The following CPED1 variants were observed in gnomAD, a reference collection of about 807,000 sequenced individuals.
CPED1 encodes cadherin like and PC-esterase domain containing 1, also known as cadherin-like and PC-esterase domain-containing protein 1.
Under a neutral mutation model 128.2 loss-of-function variants are expected in CPED1, and 114 were observed. That is an observed-to-expected ratio of 0.89 (90% CI 0.76 to 1.04). CPED1 has a LOEUF of 1.04. Ranked by LOEUF, CPED1 falls within the 50% of genes least tolerant of loss-of-function variation. CPED1 has a pLI of 0.00. For missense variants in CPED1, 1,211 were observed against 1,207.1 expected (o/e 1.00, Z -0.05); for synonymous variants, 462 against 426.7 (o/e 1.08, Z -1.02).
chr7:121,240,239 C>A (rs1279925469), intron 17 of CPED1, among the ~76,000 whole-genome samples: 1 of 152,184 alleles, frequency 6.6e-6, no homozygotes, highest in African/African-American at 2.4e-5. Context: ...CAATTAGCCA[C>A]TTGTTTCTTC....
In CPED1 at chr7:121,247,673, G is replaced by T. The variant is rs544393384; in HGVS notation, c.2310+3335G>T. On this transcript the variant is annotated intron_variant, in intron 18 of 22. Transcript: ENST00000310396. ...GACTTCTGGATTCCTGGCTACAGGG[G>T]ACCCAACATACCCCACGGACATTTG... Among the ~76,000 whole-genome samples the T allele has an allele frequency of 3.1e-4, 47 of 152,208 alleles. No individual in the cohort carries two copies. In the South Asian group the frequency reaches 8.5e-3, roughly 28 times the overall value.
chr7:121,079,437 C>T (rs1794222548), intron 5 of CPED1, among the ~76,000 whole-genome samples: 1 of 152,200 alleles, frequency 6.6e-6, no homozygotes, highest in Non-Finnish European at 1.5e-5. Context: ...TCTTTCCTTC[C>T]CTTCAGCACC....
chr7:121,263,551 C>T (rs1306095219), intron 18 of CPED1, among the ~76,000 whole-genome samples: 1 of 151,982 alleles, frequency 6.6e-6, no homozygotes, highest in African/African-American at 2.4e-5. Flanking sequence ...CATAATTTGT[C>T]TAAAATCATC....
At chr7:121,141,556 A>G (rs1300898790) in intron 15 of CPED1, among the ~76,000 whole-genome samples, 1 of 152,064 alleles carries the variant, frequency 6.6e-6, no homozygotes, top group Non-Finnish European at 1.5e-5. Context: ...AGCCACGTCT[A>G]GTAGAAAGAA....
intron 7 of CPED1, 99 bp downstream of exon 7, chr7:121,100,193 C>A: frequency 2.0e-6 from 2 of 1,015,438 alleles, no homozygotes; most frequent in Non-Finnish European, 2.9e-6. Context: ...TATCAAATCC[C>A]ATTGAACAAG....
intron 3 of CPED1, among the ~76,000 whole-genome samples, chr7:121,024,163 G>A (rs1188170016): frequency 2.0e-5 from 3 of 152,044 alleles, no homozygotes. Context: ...AACAGAATTC[G>A]TTCTTTAATT....
chr7:121,106,888 C>T (rs935950395), intron 7 of CPED1, among the ~76,000 whole-genome samples: 6 of 152,098 alleles, frequency 3.9e-5, no homozygotes, highest in Admixed American at 6.6e-5. Context: ...TACACCTTGC[C>T]GATAACAAGT....
chr7:121,293,677 A>T (rs1186359485), intron 22 of CPED1, among the ~76,000 whole-genome samples: 2 of 152,080 alleles, frequency 1.3e-5, no homozygotes, highest in Non-Finnish European at 2.9e-5. Context: ...GGTTGCGAAG[A>T]CTGGGGTAAA....
intron 5 of CPED1, among the ~76,000 whole-genome samples, chr7:121,077,145 G>C (rs543058638): frequency 3.3e-5 from 5 of 152,220 alleles, no homozygotes; most frequent in African/African-American, 7.2e-5. Context: ...CTCTAGAGTA[G>C]ATTAACAGCA....
Position 121,273,399 on chromosome 7 carries a change from G to A in CPED1, c.2868+1969G>A, listed in dbSNP as rs138486221. 1.7e-3 allele frequency among the ~76,000 whole-genome samples: 260 copies of A among 152,156 alleles called. 1 individual carries two copies. The highest frequency in any genetic ancestry group is 6.1e-3 in the African/African-American group (252 of 41,534). On this transcript the variant is annotated intron_variant, in intron 22 of 22. Transcript: ENST00000310396. Reference sequence around the variant, plus strand: ...TAGCCAGGTGTGGTGGTGTGTGCCTGTAATCCCAGCTACTGGGGAGGTAGA... The same window carrying A: ...TAGCCAGGTGTGGTGGTGTGTGCCTATAATCCCAGCTACTGGGGAGGTAGA...
intron 18 of CPED1, among the ~76,000 whole-genome samples, chr7:121,263,489 C>T (rs752009665): frequency 2.0e-5 from 3 of 151,988 alleles, no homozygotes; most frequent in Non-Finnish European, 4.4e-5. Context: ...CCTACATGGA[C>T]CTCTGTTTCT....
chr7:121,166,188 A>T (rs1372941039), intron 16 of CPED1, among the ~76,000 whole-genome samples: 1 of 152,198 alleles, frequency 6.6e-6, no homozygotes. Context: ...ATTCAATAAG[A>T]TACATGGATT....
At chr7:121,256,885 C>T (rs1791894723) in intron 18 of CPED1, among the ~76,000 whole-genome samples, 1 of 151,958 alleles carries the variant, frequency 6.6e-6, no homozygotes, top group South Asian at 2.1e-4. Context: ...GAATACTACA[C>T]AGTCATAAAA....
intron 16 of CPED1, among the ~76,000 whole-genome samples, chr7:121,142,425 C>T (rs148339858): frequency 3.8e-4 from 58 of 152,016 alleles, no homozygotes; most frequent in African/African-American, 1.4e-3. Flanking sequence ...GTTGTGAAAT[C>T]GGTTTCACAT....
At chr7:121,283,818 G>T (rs2116776646) in intron 22 of CPED1, among the ~76,000 whole-genome samples, 1 of 152,310 alleles carries the variant, frequency 6.6e-6, no homozygotes, top group East Asian at 1.9e-4. Flanking sequence ...ATGCCCTCAT[G>T]GTCCCAAATC....
chr7:121,293,266 G>A (rs1724138917), intron 22 of CPED1, among the ~76,000 whole-genome samples: 1 of 152,176 alleles, frequency 6.6e-6, no homozygotes, highest in South Asian at 2.1e-4. Flanking sequence ...GGTGGGTTCT[G>A]CATCCAGTTC....
intron 16 of CPED1, among the ~76,000 whole-genome samples, chr7:121,209,984 T>TC (rs1797607809): frequency 6.6e-6 from 1 of 151,924 alleles, no homozygotes; most frequent in Admixed American, 6.6e-5. Context: ...ATCCAGTTTT[T>TC]CAAAATGGGC....
At chr7:121,274,531 T>G (rs1326780465) in intron 22 of CPED1, among the ~76,000 whole-genome samples, 1 of 152,180 alleles carries the variant, frequency 6.6e-6, no homozygotes, top group African/African-American at 2.4e-5. Flanking sequence ...TTTTGAAGTT[T>G]TAATGTTTAA....
chr7:121,087,665 CTGTT>C (rs779499641), intron 5 of CPED1, among the ~76,000 whole-genome samples: 5,743 of 131,566 alleles, frequency 0.044, 271 homozygotes, highest in Non-Finnish European at 0.061. Context: ...CTTTTCTTTC[CTGTT>C]TTTTTTTTTT....
Sources: allele counts gnomAD v4.1 joint callset (sites outside exome capture counted in the v4.1 genomes callset), GRCh38; gene constraint gnomAD v4.1.1; transcripts MANE v1.5; gene names NCBI Gene and HGNC (gene_info 2026-07-23, HGNC 2026-07-21).